PLCH1: variants seen among roughly 807,000 people sequenced by gnomAD.
The protein encoded by PLCH1 is 1-phosphatidylinositol 4,5-bisphosphate phosphodiesterase eta-1.
A neutral mutation model predicts 126.7 loss-of-function variants in PLCH1; 60 were observed. The observed-to-expected ratio is 0.47, with a 90% confidence interval of 0.38 to 0.59. The LOEUF is 0.59. Among genes scored for constraint, PLCH1 ranks in the 20% least tolerant of loss-of-function variants. PLCH1 has a pLI of 0.00. For missense variants in PLCH1, 1,723 were observed against 2,040.0 expected (o/e 0.84, Z 2.99); for synonymous variants, 719 against 734.9 (o/e 0.98, Z 0.35).
At chr3:155,486,746 G>T (rs577081508) in intron 21 of PLCH1, among the ~76,000 whole-genome samples, 1 of 151,550 alleles carries the variant, frequency 6.6e-6, no homozygotes, top group African/African-American at 2.4e-5. Context: ...GGATGGTCTC[G>T]ATCTCCTGAC....
intron 1 of PLCH1, among the ~76,000 whole-genome samples, chr3:155,732,469 G>A (rs1239323831): frequency 1.3e-5 from 2 of 150,922 alleles, no homozygotes; most frequent in Non-Finnish European, 2.9e-5. Flanking sequence ...GGTGGATCAC[G>A]AGGTCAGGAG....
intron 1 of PLCH1, among the ~76,000 whole-genome samples, chr3:155,718,097 T>C (rs767118630): frequency 1.3e-4 from 20 of 152,212 alleles, no homozygotes; most frequent in Non-Finnish European, 2.5e-4. Context: ...ACTCTGAAGT[T>C]AAAGTGTCTA....
chr3:155,596,044 A>G (rs544768465), intron 3 of PLCH1, among the ~76,000 whole-genome samples, 188 bp downstream of exon 3: 2 of 152,254 alleles, frequency 1.3e-5, no homozygotes, highest in East Asian at 3.9e-4. Context: ...ATTCATGGAC[A>G]AGAAAACTTT....
At chr3:155,735,226 G>A (rs937905125) in intron 1 of PLCH1, among the ~76,000 whole-genome samples, 2 of 152,180 alleles carry the variant, frequency 1.3e-5, no homozygotes, top group African/African-American at 4.8e-5. Context: ...GGTGGCGGGT[G>A]GGGAAGATGC....
At chr3:155,694,174 G>A (rs972444113) in intron 2 of PLCH1, among the ~76,000 whole-genome samples, 6 of 151,990 alleles carry the variant, frequency 3.9e-5, no homozygotes, top group Non-Finnish European at 7.4e-5. Context: ...ATATGTATTG[G>A]TCATATTGTA....
chr3:155,556,651 G>T (rs1213049395), intron 8 of PLCH1, among the ~76,000 whole-genome samples: 1 of 152,178 alleles, frequency 6.6e-6, no homozygotes, highest in African/African-American at 2.4e-5. Flanking sequence ...TAGGCTTTGG[G>T]TAAAGCCGAT....
intron 2 of PLCH1, among the ~76,000 whole-genome samples, chr3:155,679,577 C>T (rs1744351967): frequency 6.6e-6 from 1 of 152,224 alleles, no homozygotes. Context: ...CCTCCCCCCA[C>T]ACCCCAACCT....
intron 2 of PLCH1, among the ~76,000 whole-genome samples, chr3:155,614,193 A>G (rs751624337): frequency 9.9e-5 from 15 of 152,238 alleles, no homozygotes; most frequent in Non-Finnish European, 1.9e-4. Context: ...GGACAGGTAG[A>G]ATCAATATTG....
chr3:155,464,554 A>G (rs1169404798), intron 21 of PLCH1, among the ~76,000 whole-genome samples: 1 of 152,030 alleles, frequency 6.6e-6, no homozygotes, highest in Non-Finnish European at 1.5e-5. Context: ...GAGACTAGGT[A>G]CTTCCTGGAT....
At chr3:155,726,718 G>A (rs180851279) in intron 1 of PLCH1, among the ~76,000 whole-genome samples, 78 of 143,288 alleles carry the variant, frequency 5.4e-4, no homozygotes, top group African/African-American at 1.7e-3. Context: ...TTTTTGAGAC[G>A]GGGTCTTCAC....
intron 11 of PLCH1, among the ~76,000 whole-genome samples, chr3:155,523,610 A>G (rs560134412): frequency 5.3e-4 from 80 of 152,304 alleles, no homozygotes; most frequent in Non-Finnish European, 1.0e-3. Context: ...AACATTTCCA[A>G]CTACAATTTG....
At chr3:155,525,973 A>G (rs2108303558) in intron 10 of PLCH1, among the ~76,000 whole-genome samples, 1 of 152,290 alleles carries the variant, frequency 6.6e-6, no homozygotes, top group East Asian at 1.9e-4. Flanking sequence ...ACTAAAAAGG[A>G]CAGCAGGGGG....
intron 2 of PLCH1, among the ~76,000 whole-genome samples, chr3:155,656,038 T>A (rs2108916429): frequency 6.6e-6 from 1 of 152,254 alleles, no homozygotes; most frequent in South Asian, 2.1e-4. Context: ...AATCTTCTAC[T>A]GACTCAACGA....
intron 2 of PLCH1, among the ~76,000 whole-genome samples, chr3:155,693,759 G>A (rs1221439077): frequency 5.3e-5 from 8 of 151,958 alleles, no homozygotes; most frequent in South Asian, 2.1e-4. Context: ...GTGAAACCCC[G>A]TCTCAACTAA....
intron 6 of PLCH1, among the ~76,000 whole-genome samples, chr3:155,578,818 C>T (rs746609688): frequency 5.3e-5 from 8 of 152,240 alleles, no homozygotes; most frequent in African/African-American, 7.2e-5. Context: ...AAGGTATCTC[C>T]GGCCTTCCCC....
chr3:155,487,977 G>T, intron 21 of PLCH1, 51 bp downstream of exon 21: 3 of 1,113,366 alleles, frequency 2.7e-6, no homozygotes, highest in Non-Finnish European at 4.1e-6. Context: ...CAGTAGCATT[G>T]TTAAGGACCA....
At chr3:155,744,636 C>A (rs1749857729) in intron 1 of PLCH1, among the ~76,000 whole-genome samples, 2 of 152,200 alleles carry the variant, frequency 1.3e-5, no homozygotes, top group Admixed American at 6.5e-5. Flanking sequence ...CCCTGAAGAG[C>A]GGCCGTGGCC....
At chr3:155,575,360 A>C (rs913441010) in intron 6 of PLCH1, among the ~76,000 whole-genome samples, 1 of 152,156 alleles carries the variant, frequency 6.6e-6, no homozygotes, top group Non-Finnish European at 1.5e-5. Context: ...AAGGGTAAGG[A>C]AGGGAGAGGG....
intron 2 of PLCH1, among the ~76,000 whole-genome samples, chr3:155,662,845 G>C (rs1742323911): frequency 6.6e-6 from 1 of 152,030 alleles, no homozygotes; most frequent in Non-Finnish European, 1.5e-5. Flanking sequence ...TGTATTTTTA[G>C]TAGAGATGGG....
Sources: gnomAD v4.1 joint callset for allele counts (sites outside exome capture counted in the v4.1 genomes callset) on GRCh38, gnomAD v4.1.1 for gene constraint, MANE v1.5 for transcripts, NCBI Gene and HGNC (gene_info 2026-07-23, HGNC 2026-07-21) for gene names.